GALNT9: variants seen among roughly 807,000 people sequenced by gnomAD.
GALNT9 encodes the protein polypeptide N-acetylgalactosaminyltransferase 9.
Under a neutral mutation model 63.1 loss-of-function variants are expected in GALNT9, and 47 were observed. That is an observed-to-expected ratio of 0.75 (90% CI 0.59 to 0.95). GALNT9 has a LOEUF of 0.95. GALNT9 is among the 40% of genes least tolerant of loss of function. GALNT9 has a pLI of 0.00. For synonymous variants in GALNT9, 396 were observed against 365.7 expected (o/e 1.08, Z -0.94); for missense variants, 829 against 874.8 (o/e 0.95, Z 0.66).
rs1364635145 is a variant in GALNT9 at position 132,246,567 on chromosome 12, C to G, written c.1077+1343G>C. ...ATATTTTTTGAAATGGAGTCTCACT[C>G]TGTCACCCAGGCTGGAGTGCAGTGA... On this transcript the variant is annotated intron_variant, in intron 6 of 10. Coordinates refer to ENST00000328957, the MANE Select transcript of GALNT9 (RefSeq NM_001122636.2). The surrounding 1 kb of genome is among the most constrained non-coding windows in gnomAD (Gnocchi z 4.7). Among the ~76,000 whole-genome samples the G allele has an allele frequency of 6.6e-6, 1 of 152,208 alleles. No individual in the cohort carries two copies. Among genetic ancestry groups the G allele is most frequent in the African/African-American group, 2.4e-5 (1 of 41,456 alleles).
chr12:132,328,404 A>C (rs782340790), intron 1 of GALNT9, among the ~76,000 whole-genome samples: 9 of 152,150 alleles, frequency 5.9e-5, no homozygotes, highest in Non-Finnish European at 5.9e-5. Flanking sequence ...AGCTTCTCCC[A>C]TAACAACTTT....
chr12:132,209,498 C>T lies in GALNT9; in HGVS notation c.1078-5808G>A, dbSNP rs949620361. Among the ~76,000 whole-genome samples the T allele has an allele frequency of 2.8e-4, 43 of 152,184 alleles. 1 individual carries two copies. Among genetic ancestry groups the T allele is most frequent in the East Asian group, 3.9e-4 (2 of 5,182 alleles). On this transcript the variant is annotated intron_variant, in intron 6 of 10. Transcript: ENST00000328957. ...TTGGGAAGCAAAGGTTGCAGTGAGC[C>T]GAGATCGCACCATTGCACTCCAGCC...
rs1879500202 is a variant in GALNT9, at chr12:132,263,910, G to A, written c.420-1285C>T. On this transcript the variant is annotated intron_variant, in intron 2 of 10. Transcript: ENST00000328957. ...TTCTCCCTCCATCACTAGGTCAGGAGGCGTCTCGGGCCTGGCTGCGGGGCC... is the reference window on the plus strand; with the variant it reads ...TTCTCCCTCCATCACTAGGTCAGGAAGCGTCTCGGGCCTGGCTGCGGGGCC... 3.3e-5 allele frequency among the ~76,000 whole-genome samples: 5 copies of A among 152,326 alleles called. 1 individual carries two copies. Among genetic ancestry groups the A allele is most frequent in the Admixed American group, 3.3e-4 (5 of 15,308 alleles).
intron 6 of GALNT9, among the ~76,000 whole-genome samples, chr12:132,239,331 GAC>G (rs1200324459): frequency 5.4e-5 from 4 of 73,946 alleles, no homozygotes; most frequent in African/African-American, 7.5e-5. Flanking sequence ...GAGAGAGAGA[GAC>G]AGAGTCAGAG....
intron 6 of GALNT9, among the ~76,000 whole-genome samples, chr12:132,218,616 C>T (rs1308563252): frequency 2.0e-5 from 3 of 152,230 alleles, no homozygotes; most frequent in Non-Finnish European, 4.4e-5. Context: ...TTGTCACACA[C>T]ATGCCTCGTT....
chr12:132,225,503 C>T (rs1224096100), intron 6 of GALNT9, among the ~76,000 whole-genome samples: 1 of 149,498 alleles, frequency 6.7e-6, no homozygotes, highest in Non-Finnish European at 1.5e-5. Context: ...CCACACAATC[C>T]ACACTCCACA....
At chr12:132,269,203 C>T (rs1879772220) in intron 2 of GALNT9, among the ~76,000 whole-genome samples, 1 of 152,076 alleles carries the variant, frequency 6.6e-6, no homozygotes. Flanking sequence ...GGGGAGGCGT[C>T]GGGAGGCAGC....
chr12:132,308,707 G>A (rs569203337), intron 1 of GALNT9, among the ~76,000 whole-genome samples: 32 of 152,132 alleles, frequency 2.1e-4, no homozygotes, highest in African/African-American at 5.6e-4. Flanking sequence ...CACTGCCCAC[G>A]ATGTCAGCAC....
At chr12:132,198,942 C>T (rs1875767646) in intron 9 of GALNT9, among the ~76,000 whole-genome samples, 1 of 152,174 alleles carries the variant, frequency 6.6e-6, no homozygotes, top group Non-Finnish European at 1.5e-5. Context: ...TGAGCCACTG[C>T]ACCCGGCCCA....
At position 132,327,263 on chromosome 12, in the gene GALNT9, G is replaced by C. The variant is rs377222020; in HGVS notation, c.238+1703C>G. Among the ~76,000 whole-genome samples, 1 of 151,408 alleles carries C rather than the reference G, an allele frequency of 6.6e-6. No homozygotes were observed. The highest frequency in any genetic ancestry group is 2.4e-5 in the African/African-American group (1 of 41,138). Reference sequence around the variant, plus strand: ...AGGGGACAGAGGACAGGAGGAAGCGGGATGGGAGAAGGCAGTGGGGGCGGT... The same window carrying C: ...AGGGGACAGAGGACAGGAGGAAGCGCGATGGGAGAAGGCAGTGGGGGCGGT... On this transcript the variant is annotated intron_variant, in intron 1 of 10. Transcript: ENST00000328957. The surrounding 1 kb of genome is among the most constrained non-coding windows in gnomAD (Gnocchi z 4.3).
intron 1 of GALNT9, among the ~76,000 whole-genome samples, chr12:132,302,511 C>T (rs542109328): frequency 2.6e-5 from 4 of 152,320 alleles, no homozygotes; most frequent in South Asian, 2.1e-4. Context: ...CATTTATTCA[C>T]CCATCCATTA....
At chr12:132,300,875 A>G (rs1555243784) in intron 1 of GALNT9, among the ~76,000 whole-genome samples, 1 of 151,674 alleles carries the variant, frequency 6.6e-6, no homozygotes, top group African/African-American at 2.4e-5. Flanking sequence ...TAACTAACCC[A>G]CTCCCACATT....
chr12:132,240,649 CT>C (rs1555236886), intron 6 of GALNT9: 1 of 413,664 alleles, frequency 2.4e-6, no homozygotes, highest in Non-Finnish European at 4.7e-6. Flanking sequence ...GGACCTGCTC[CT>C]CTTCACTCTC....
chr12:132,230,097 G>A (rs1414210649), intron 6 of GALNT9, among the ~76,000 whole-genome samples: 4 of 152,150 alleles, frequency 2.6e-5, no homozygotes, highest in Non-Finnish European at 5.9e-5. Context: ...GGGGCACAGA[G>A]GGCATCGTAA....
chr12:132,211,637 G>A (rs1414768729), intron 6 of GALNT9, among the ~76,000 whole-genome samples: 5 of 152,254 alleles, frequency 3.3e-5, no homozygotes, highest in Admixed American at 6.5e-5. Context: ...TGTCTCCACC[G>A]TGGTTTTCCC....
chr12:132,297,698 G>A (rs75111034), intron 1 of GALNT9, among the ~76,000 whole-genome samples: 5,204 of 139,000 alleles, frequency 0.037, 145 homozygotes, highest in East Asian at 0.15. Context: ...TAACCAACTC[G>A]TTCCCAAGAT....
intron 1 of GALNT9, among the ~76,000 whole-genome samples, chr12:132,313,004 G>A (rs1212932010): frequency 1.3e-5 from 2 of 152,014 alleles, no homozygotes; most frequent in Admixed American, 1.3e-4. Context: ...ATGCTTGTCT[G>A]TCCTCACTCT....
intron 7 of GALNT9, among the ~76,000 whole-genome samples, chr12:132,202,496 GGGTGGTAAGCCAATTTAGGGGCTGT>G (rs376308713): frequency 2.7e-4 from 41 of 152,292 alleles, no homozygotes; most frequent in African/African-American, 9.1e-4. Context: ...CTCTAGCAGG[GGGTGGTAAGCCAATTTAGGGGCTGT>G]GGTGGGAAGT....
rs549658401 is a variant in GALNT9, at chr12:132,294,949, C to T, written c.239-8519G>A. 5.3e-5 allele frequency among the ~76,000 whole-genome samples: 8 copies of T among 152,352 alleles called. No homozygotes were observed. The South Asian group carries it at 1.7e-3, about 32-fold the overall frequency. On this transcript the variant is annotated intron_variant, in intron 1 of 10. Coordinates refer to ENST00000328957, the MANE Select transcript of GALNT9 (RefSeq NM_001122636.2). ...TTCACAAAGAATTCCTTCCAAGAGG[C>T]AGGATTGCTTGATCCCACCAGGAAG...
Sources: allele counts gnomAD v4.1 joint callset (sites outside exome capture counted in the v4.1 genomes callset), GRCh38; gene constraint gnomAD v4.1.1; non-coding constraint Gnocchi (gnomAD v3.1); transcripts MANE v1.5; gene names NCBI Gene and HGNC (gene_info 2026-07-23, HGNC 2026-07-21).